Variants in TAFA1 observed in about 807,000 individuals in gnomAD.
TAFA1 encodes chemokine-like protein TAFA-1.
In TAFA1, 4 loss-of-function variants were observed where a neutral mutation model predicts 18.5. The observed-to-expected ratio is 0.22, with a 90% confidence interval of 0.11 to 0.49. TAFA1 has a LOEUF of 0.49. Among genes scored for constraint, TAFA1 ranks in the 20% least tolerant of loss-of-function variants. The probability of loss-of-function intolerance (pLI) is 0.98; values close to 1 mark genes in which losing one functional copy is unlikely to be tolerated. For missense variants in TAFA1, 147 were observed against 169.0 expected, an observed-to-expected ratio of 0.87 and a Z score of 0.72; for synonymous variants, 56 against 55.2, an observed-to-expected ratio of 1.01 and a Z score of -0.06.
At chr3:68,266,032 C>T (rs1247337441) in intron 2 of TAFA1, among the ~76,000 whole-genome samples, 1 of 152,158 alleles carries the variant, frequency 6.6e-6, no homozygotes, top group East Asian at 1.9e-4. Context: ...TCAGCAAGTT[C>T]TTATTCTTCT....
At chr3:68,030,241 C>A (rs1704903063) in intron 2 of TAFA1, among the ~76,000 whole-genome samples, 1 of 151,930 alleles carries the variant, frequency 6.6e-6, no homozygotes, top group African/African-American at 2.4e-5. Flanking sequence ...AAAAATTTTT[C>A]TTTTCACCAG....
At chr3:68,368,189 G>A (rs1462222337) in intron 2 of TAFA1, among the ~76,000 whole-genome samples, 1 of 152,076 alleles carries the variant, frequency 6.6e-6, no homozygotes, top group African/African-American at 2.4e-5. Flanking sequence ...GACAACTTGT[G>A]TAATCTTTAA....
intron 2 of TAFA1, among the ~76,000 whole-genome samples, chr3:68,256,705 G>A (rs535989598): frequency 6.6e-6 from 1 of 152,164 alleles, no homozygotes; most frequent in Non-Finnish European, 1.5e-5. Context: ...TTGATTCTAG[G>A]GTTATAAGAC....
At chr3:68,363,243 C>T (rs542554225) in intron 2 of TAFA1, among the ~76,000 whole-genome samples, 15 of 152,056 alleles carry the variant, frequency 9.9e-5, no homozygotes, top group Admixed American at 8.5e-4. Flanking sequence ...TAGAAATATT[C>T]GAGCTGGGCT....
At chr3:68,073,904 G>C (rs2064789407) in intron 2 of TAFA1, among the ~76,000 whole-genome samples, 1 of 152,130 alleles carries the variant, frequency 6.6e-6, no homozygotes, top group African/African-American at 2.4e-5. Flanking sequence ...CCAAGACCTG[G>C]GGTAGGTGGG....
intron 2 of TAFA1, among the ~76,000 whole-genome samples, chr3:68,410,668 C>G (rs1163570242): frequency 9.2e-6 from 1 of 108,404 alleles, no homozygotes; most frequent in African/African-American, 3.6e-5. Flanking sequence ...TCTACAGATC[C>G]TGGGTGAAAT....
At chr3:68,100,568 C>A (rs1417657256) in intron 2 of TAFA1, among the ~76,000 whole-genome samples, 4 of 152,158 alleles carry the variant, frequency 2.6e-5, no homozygotes, top group Non-Finnish European at 5.9e-5. Context: ...GTCTTTCATG[C>A]ATGTTTAGAC....
chr3:68,288,463 A>C (rs1260881858), intron 2 of TAFA1, among the ~76,000 whole-genome samples: 1 of 152,136 alleles, frequency 6.6e-6, no homozygotes, highest in East Asian at 1.9e-4. Context: ...TGCCCATGGA[A>C]GATTATGTCG....
At chr3:68,198,419 G>C (rs983551736) in intron 2 of TAFA1, among the ~76,000 whole-genome samples, 1 of 151,550 alleles carries the variant, frequency 6.6e-6, no homozygotes, top group African/African-American at 2.4e-5. Context: ...TATGGTGAGA[G>C]TATGTTTAGT....
At chr3:68,521,856 G>GTTTTGTTT (rs2073029750) in intron 3 of TAFA1, among the ~76,000 whole-genome samples, 1 of 70,848 alleles carries the variant, frequency 1.4e-5, no homozygotes, top group Non-Finnish European at 2.4e-5. Flanking sequence ...GTTTTTTTCT[G>GTTTTGTTT]TTTTTTTTTT....
chr3:68,220,068 A>G (rs1394847981), intron 2 of TAFA1, among the ~76,000 whole-genome samples: 1 of 152,312 alleles, frequency 6.6e-6, no homozygotes, highest in African/African-American at 2.4e-5. Context: ...TAGGTCCCCA[A>G]TTAATTGTGT....
chr3:68,509,279 T>G (rs1377853624), intron 3 of TAFA1, among the ~76,000 whole-genome samples: 1 of 152,090 alleles, frequency 6.6e-6, no homozygotes, highest in Non-Finnish European at 1.5e-5. Flanking sequence ...CATCAGCACA[T>G]GTGGTCTCAT....
intron 3 of TAFA1, among the ~76,000 whole-genome samples, chr3:68,434,822 G>A (rs1343745729): frequency 6.6e-6 from 1 of 152,030 alleles, no homozygotes; most frequent in Non-Finnish European, 1.5e-5. Context: ...ATTGTCTGTG[G>A]AATTCAAGAG....
intron 2 of TAFA1, among the ~76,000 whole-genome samples, chr3:68,110,696 C>T (rs2065252706): frequency 6.6e-6 from 1 of 152,010 alleles, no homozygotes; most frequent in Non-Finnish European, 1.5e-5. Context: ...GGAGGTAGGA[C>T]CAGGAGGACT....
intron 2 of TAFA1, among the ~76,000 whole-genome samples, chr3:68,115,179 G>A (rs1265041931): frequency 1.3e-5 from 2 of 152,136 alleles, no homozygotes; most frequent in Admixed American, 6.5e-5. Flanking sequence ...TGACTTGAGT[G>A]GCAGTTACAT....
intron 2 of TAFA1, among the ~76,000 whole-genome samples, chr3:68,182,981 C>T (rs565366507): frequency 6.6e-6 from 1 of 152,250 alleles, no homozygotes; most frequent in East Asian, 1.9e-4. Context: ...TCATCAAAGT[C>T]ATGTATCTTT....
chr3:68,447,261 C>T (rs1265345733), intron 3 of TAFA1, among the ~76,000 whole-genome samples: 1 of 152,130 alleles, frequency 6.6e-6, no homozygotes, highest in Non-Finnish European at 1.5e-5. Flanking sequence ...GAGAGGAAAA[C>T]TGAGATGTAG....
chr3:68,501,393 G>C (rs764772447), intron 3 of TAFA1, among the ~76,000 whole-genome samples: 15 of 151,930 alleles, frequency 9.9e-5, no homozygotes, highest in Non-Finnish European at 1.8e-4. Context: ...AAAAGCCACG[G>C]AATATGCAAA....
chr3:68,067,825 C>T (rs73834813), intron 2 of TAFA1, among the ~76,000 whole-genome samples: 2,727 of 151,954 alleles, frequency 0.018, 84 homozygotes, highest in African/African-American at 0.06. Context: ...TCTAATGACA[C>T]GATGTTGAAT....
Sources: allele counts gnomAD v4.1 joint callset (sites outside exome capture counted in the v4.1 genomes callset), GRCh38; gene constraint gnomAD v4.1.1; transcripts MANE v1.5; gene names NCBI Gene and HGNC (gene_info 2026-07-23, HGNC 2026-07-21).